The following PTPRD variants were observed in gnomAD, a reference collection of about 807,000 sequenced individuals.
PTPRD encodes receptor-type tyrosine-protein phosphatase delta.
In PTPRD, 34 loss-of-function variants were observed where a neutral mutation model predicts 214.5. The observed-to-expected ratio is 0.16, with a 90% CI of 0.12 to 0.21. The LOEUF is 0.21. PTPRD is among the 10% of genes least tolerant of loss of function. The pLI is 1.00. For missense variants in PTPRD, 2,545 were observed against 2,398.7 expected (o/e 1.06, Z -1.27); for synonymous variants, 1,128 against 845.7 (o/e 1.33, Z -5.79).
intron 4 of PTPRD, among the ~76,000 whole-genome samples, chr9:9,999,140 A>G (rs866017045): frequency 4.1e-4 from 63 of 152,298 alleles, no homozygotes; most frequent in African/African-American, 1.4e-3. Context: ...GAGATCTGGT[A>G]TTAGTGAAAA....
intron 7 of PTPRD, among the ~76,000 whole-genome samples, chr9:9,618,407 A>T (rs532612662): frequency 1.2e-4 from 18 of 152,136 alleles, no homozygotes; most frequent in Admixed American, 1.1e-3. Context: ...ACAATAATAT[A>T]GTGCTTTATT....
chr9:9,302,330 C>A (rs1418782093), intron 9 of PTPRD, among the ~76,000 whole-genome samples: 2 of 151,804 alleles, frequency 1.3e-5, no homozygotes, highest in Non-Finnish European at 2.9e-5. Flanking sequence ...CTATTGCATC[C>A]CTCTACCATG....
intron 35 of PTPRD, among the ~76,000 whole-genome samples, chr9:8,411,654 G>A (rs769746212): frequency 6.6e-6 from 1 of 152,160 alleles, no homozygotes; most frequent in Admixed American, 6.6e-5. Flanking sequence ...ATTACTAAAT[G>A]CAGAAGAAAG....
intron 8 of PTPRD, among the ~76,000 whole-genome samples, chr9:9,429,690 A>G (rs1402518475): frequency 2.6e-5 from 4 of 152,164 alleles, no homozygotes; most frequent in Non-Finnish European, 4.4e-5. Context: ...GCACATCAAA[A>G]AGCTTATCCA....
intron 3 of PTPRD, among the ~76,000 whole-genome samples, chr9:10,339,032 T>A (rs775339773): frequency 1.3e-5 from 2 of 151,750 alleles, no homozygotes; most frequent in African/African-American, 2.4e-5. Flanking sequence ...CAGCTGTCAT[T>A]ACTTGCAAGA....
chr9:8,601,126 G>A (rs895468382), intron 14 of PTPRD, among the ~76,000 whole-genome samples: 5 of 152,126 alleles, frequency 3.3e-5, no homozygotes, highest in African/African-American at 1.2e-4. Context: ...CTATGGGCCC[G>A]TGGTGGTGGC....
At chr9:8,616,725 T>G (rs1323535219) in intron 14 of PTPRD, among the ~76,000 whole-genome samples, 2 of 152,130 alleles carry the variant, frequency 1.3e-5, no homozygotes, top group African/African-American at 4.8e-5. Flanking sequence ...CATACAAAAC[T>G]ACCTTTCAAG....
intron 7 of PTPRD, among the ~76,000 whole-genome samples, chr9:9,722,922 T>A (rs1031902034): frequency 6.6e-6 from 1 of 152,122 alleles, no homozygotes; most frequent in African/African-American, 2.4e-5. Context: ...GAGCTCTTTA[T>A]ATATTTTAGA....
intron 8 of PTPRD, among the ~76,000 whole-genome samples, chr9:9,562,250 T>C (rs2083160324): frequency 6.6e-6 from 1 of 152,178 alleles, no homozygotes; most frequent in African/African-American, 2.4e-5. Context: ...CCTCAGGCAA[T>C]TGGTTGGAAA....
chr9:8,466,628 G>A (rs944817722), intron 31 of PTPRD, among the ~76,000 whole-genome samples: 1 of 151,808 alleles, frequency 6.6e-6, no homozygotes, highest in African/African-American at 2.4e-5. Context: ...GTATTAGTCT[G>A]GGATGCCTGT....
Position 9,700,866 on chromosome 9 carries a change from G to T in PTPRD, c.-287+33667C>A, listed in dbSNP as rs1168239671. 7.9e-5 allele frequency among the ~76,000 whole-genome samples: 12 copies of T among 152,138 alleles called. No individual in the cohort carries two copies. In the East Asian group the frequency reaches 2.1e-3, roughly 27 times the overall value. ...AGACAAATGAAAAAATGTGGCTTCT[G>T]CCATCAAATAACTGACAATCTAACA... On this transcript the variant is annotated intron_variant, in intron 7 of 45. Transcript: ENST00000381196.
At chr9:9,597,709 A>G (rs2093460260) in intron 7 of PTPRD, among the ~76,000 whole-genome samples, 1 of 152,040 alleles carries the variant, frequency 6.6e-6, no homozygotes, top group African/African-American at 2.4e-5. Flanking sequence ...ATGGAGAAAA[A>G]GTGGAGAAAA....
intron 3 of PTPRD, among the ~76,000 whole-genome samples, chr9:10,126,824 A>C (rs2098823394): frequency 6.6e-6 from 1 of 152,150 alleles, no homozygotes; most frequent in African/African-American, 2.4e-5. Context: ...AGCTTGACGA[A>C]ACTGTACAAA....
chr9:8,488,451 T>C (rs1158787881), intron 27 of PTPRD, among the ~76,000 whole-genome samples: 2 of 152,182 alleles, frequency 1.3e-5, no homozygotes, highest in Non-Finnish European at 2.9e-5. Flanking sequence ...GTGTGTTGTG[T>C]TGTATATATA....
intron 34 of PTPRD, among the ~76,000 whole-genome samples, chr9:8,444,579 T>G (rs147769465): frequency 1.3e-5 from 2 of 152,254 alleles, no homozygotes; most frequent in African/African-American, 4.8e-5. Flanking sequence ...GTAATTTTTC[T>G]TCTCTAAAAG....
intron 2 of PTPRD, among the ~76,000 whole-genome samples, chr9:10,591,998 T>C (rs1168877438): frequency 6.6e-6 from 1 of 152,088 alleles, no homozygotes; most frequent in Non-Finnish European, 1.5e-5. Flanking sequence ...TGAGACACTC[T>C]CAGAAACTTT....
intron 2 of PTPRD, among the ~76,000 whole-genome samples, chr9:10,398,617 A>G (rs999904062): frequency 3.3e-5 from 5 of 151,946 alleles, no homozygotes; most frequent in African/African-American, 1.2e-4. Context: ...TTCTTCCATA[A>G]TGCTTCTTAT....
chr9:9,570,774 A>G (rs2086127421), intron 8 of PTPRD, among the ~76,000 whole-genome samples: 1 of 151,568 alleles, frequency 6.6e-6, no homozygotes, highest in South Asian at 2.1e-4. Flanking sequence ...GCTACCTAAA[A>G]CAGGCAAGAA....
At chr9:10,178,051 G>A (rs2099259786) in intron 3 of PTPRD, among the ~76,000 whole-genome samples, 1 of 151,828 alleles carries the variant, frequency 6.6e-6, no homozygotes, top group Non-Finnish European at 1.5e-5. Flanking sequence ...TACTTGCACT[G>A]CTTTCCTTGT....
Sources: gnomAD v4.1 joint callset for allele counts (sites outside exome capture counted in the v4.1 genomes callset) on GRCh38, gnomAD v4.1.1 for gene constraint, MANE v1.5 for transcripts, NCBI Gene and HGNC (gene_info 2026-07-23, HGNC 2026-07-21) for gene names.